FAM114A1: variants seen among roughly 807,000 people sequenced by gnomAD.
FAM114A1 encodes family with sequence similarity 114 member A1, also known as protein NOXP20.
A neutral mutation model predicts 64.3 loss-of-function variants in FAM114A1; 62 were observed. The observed-to-expected ratio is 0.96, with a 90% CI of 0.79 to 1.19. FAM114A1 has a LOEUF of 1.19. FAM114A1 is among the 50% of genes most tolerant of loss of function. The probability of loss-of-function intolerance (pLI) is 0.00; values close to 1 mark genes in which losing one functional copy is unlikely to be tolerated. For synonymous variants in FAM114A1, 254 were observed against 251.1 expected, an observed-to-expected ratio of 1.01 and a Z score of -0.11; for missense variants, 645 against 676.3, an observed-to-expected ratio of 0.95 and a Z score of 0.51.
intron 2 of FAM114A1, among the ~76,000 whole-genome samples, chr4:38,876,038 C>A (rs559918722): frequency 6.6e-6 from 1 of 152,232 alleles, no homozygotes; most frequent in South Asian, 2.1e-4. Flanking sequence ...ATCAGCTGGT[C>A]CCCAACAAGG....
At chr4:38,886,297 G>A (rs566967681) in intron 3 of FAM114A1, among the ~76,000 whole-genome samples, 36 of 151,200 alleles carry the variant, frequency 2.4e-4, no homozygotes, top group Non-Finnish European at 3.5e-4. Context: ...TCAGCCTCCC[G>A]AGTAGCCGGG....
At chr4:38,916,362 A>G (rs78268309) in intron 8 of FAM114A1, among the ~76,000 whole-genome samples, 9,487 of 152,244 alleles carry the variant, frequency 0.062, 757 homozygotes, top group African/African-American at 0.18. Context: ...TATTTAGCTC[A>G]TTAATTAATT....
chr4:38,922,814 C>G lies in FAM114A1; in HGVS notation c.990C>G (p.Leu330=). 1.9e-6 allele frequency: 3 copies of G among 1,613,450 alleles called. No homozygotes were observed. Among genetic ancestry groups the G allele is most frequent in the Non-Finnish European group, 2.5e-6 (3 of 1,179,794 alleles). Residue 330 remains leucine (L), a synonymous_variant, in exon 9 of 15, where the codon CTC becomes CTG. Coordinates refer to ENST00000358869, the MANE Select transcript of FAM114A1 (RefSeq NM_138389.4). ...CACTTGATGGAGAGAAGCTGGAACTCTTAAAAAATGACCTAATTTCCATTA... is the reference window on the plus strand; with the variant it reads ...CACTTGATGGAGAGAAGCTGGAACTGTTAAAAAATGACCTAATTTCCATTA... ...LASLDGEKLE[L]LKNDLISIKD...
At chr4:38,928,985 C>A (rs1418483032) in intron 9 of FAM114A1, 1 of 464,786 alleles carries the variant, frequency 2.2e-6, no homozygotes, top group Non-Finnish European at 4.0e-6. Context: ...CCTCTTGTTG[C>A]CTTTGGGTTG....
chr4:38,938,338 C>T (rs1721281702), intron 13 of FAM114A1: 1 of 152,228 alleles, frequency 6.6e-6, no homozygotes, highest in African/African-American at 2.4e-5. Context: ...ACACCTGTCC[C>T]CCACACTTCT....
chr4:38,900,671 A>G (rs563524139), intron 4 of FAM114A1, among the ~76,000 whole-genome samples: 1 of 152,354 alleles, frequency 6.6e-6, no homozygotes, highest in East Asian at 1.9e-4. Context: ...GTGTGATTCC[A>G]CTTCTGTGGG....
At chr4:38,910,162 C>G (rs188020279) in intron 7 of FAM114A1, among the ~76,000 whole-genome samples, 1 of 151,704 alleles carries the variant, frequency 6.6e-6, no homozygotes, top group East Asian at 1.9e-4. Flanking sequence ...TTGCTTGAAC[C>G]AGGGAGGTGG....
intron 4 of FAM114A1, among the ~76,000 whole-genome samples, chr4:38,895,477 A>G (rs1179423956): frequency 1.3e-5 from 2 of 152,218 alleles, no homozygotes; most frequent in Admixed American, 6.5e-5. Context: ...CAACTGATCA[A>G]GGACCTTAAT....
intron 4 of FAM114A1, among the ~76,000 whole-genome samples, chr4:38,903,722 T>C (rs779272388): frequency 6.6e-6 from 1 of 152,210 alleles, no homozygotes; most frequent in African/African-American, 2.4e-5. Flanking sequence ...GCCTTAACAG[T>C]CGCAATACAC....
chr4:38,923,156 A>G (rs9992489), intron 9 of FAM114A1, among the ~76,000 whole-genome samples: 29,771 of 151,728 alleles, frequency 0.2, 3,117 homozygotes, highest in Middle Eastern at 0.3. Context: ...ATGTGAATGC[A>G]TATAGTCAGA....
At position 38,871,013 on chromosome 4, in the gene FAM114A1, A is replaced by C. The variant is rs540372731; in HGVS notation, c.-9+2467A>C. 5.3e-5 allele frequency among the ~76,000 whole-genome samples: 8 copies of C among 152,200 alleles called. No homozygotes were observed. The East Asian group carries it at 1.5e-3, about 29-fold the overall frequency. On this transcript the variant is annotated intron_variant, in intron 2 of 14. Transcript: ENST00000358869. ...ATTAGACCTGTAACAAGTAGAGATA[A>C]ATATGGATTAGAGATACACACAATT...
chr4:38,894,119 C>A (rs117449170), intron 4 of FAM114A1, among the ~76,000 whole-genome samples: 1 of 144,176 alleles, frequency 6.9e-6, no homozygotes, highest in African/African-American at 2.6e-5. Flanking sequence ...ACAGAGATTA[C>A]GCCCCTGCAC....
chr4:38,873,550 G>A (rs899096760), intron 2 of FAM114A1, among the ~76,000 whole-genome samples: 3 of 152,152 alleles, frequency 2.0e-5, no homozygotes, highest in Non-Finnish European at 4.4e-5. Context: ...TAATCAAAGA[G>A]GACTTTAACT....
intron 4 of FAM114A1, among the ~76,000 whole-genome samples, chr4:38,902,651 CAA>C (rs1450005715): frequency 2.6e-5 from 4 of 152,154 alleles, no homozygotes; most frequent in African/African-American, 9.7e-5. Context: ...TGCAGTGAGC[CAA>C]AGAGTAGAGG....
intron 14 of FAM114A1, 74 bp downstream of exon 14, chr4:38,941,095 T>G (rs1721551030): frequency 7.6e-7 from 1 of 1,309,578 alleles, no homozygotes. Context: ...TTTTTTGCCT[T>G]TCTTCCCCCA....
intron 8 of FAM114A1, among the ~76,000 whole-genome samples, chr4:38,922,206 C>T (rs1025940745): frequency 1.3e-5 from 2 of 152,216 alleles, no homozygotes; most frequent in African/African-American, 4.8e-5. Flanking sequence ...TCCCAAAGTG[C>T]TGGGATTACA....
intron 12 of FAM114A1, 48 bp downstream of exon 12, chr4:38,932,422 G>A: frequency 6.5e-7 from 1 of 1,527,948 alleles, no homozygotes; most frequent in Non-Finnish European, 8.8e-7. Flanking sequence ...TTTATATATA[G>A]GTACCATTCA....
chr4:38,891,756 C>G lies in FAM114A1; in HGVS notation c.362C>G (p.Pro121Arg), dbSNP rs141631653. Residue 121 changes from proline to arginine, a missense_variant, in exon 4 of 15, where the codon CCT (proline) becomes CGT (arginine). Coordinates refer to ENST00000358869, the MANE Select transcript of FAM114A1 (RefSeq NM_138389.4). ...GTTTTTCTCCAGGCTGTGGATTCCC[C>G]TCCAAGTGGAGGAGGATGGGCAGGC... Reference protein sequence around the residue: ...QEQNYLAVDSPPSGGGWAGWG... With the variant: ...QEQNYLAVDSRPSGGGWAGWG... 2 of 1,609,448 alleles carry G rather than the reference C, an allele frequency of 1.2e-6. No homozygotes were observed. Among genetic ancestry groups the G allele is most frequent in the Non-Finnish European group, 1.7e-6 (2 of 1,178,062 alleles).
At chr4:38,939,886 CTTTTTT>C (rs545845095) in intron 13 of FAM114A1, among the ~76,000 whole-genome samples, 2 of 131,666 alleles carry the variant, frequency 1.5e-5, no homozygotes, top group African/African-American at 2.9e-5. Context: ...CACTTTCTTT[CTTTTTT>C]TTTTTTTTTT....
Sources: allele counts gnomAD v4.1 joint callset (sites outside exome capture counted in the v4.1 genomes callset), GRCh38; gene constraint gnomAD v4.1.1; transcripts MANE v1.5; gene names NCBI Gene and HGNC (gene_info 2026-07-23, HGNC 2026-07-21).